ECM2: variants seen among roughly 807,000 people sequenced by gnomAD.
ECM2 encodes extracellular matrix protein 2, female organ and adipocyte specific.
In ECM2, 57 loss-of-function variants were observed where a neutral mutation model predicts 67.5. That is an observed-to-expected ratio of 0.84 (90% CI 0.68 to 1.05). The LOEUF (loss-of-function observed/expected upper bound fraction) is 1.05. ECM2 is among the 50% of genes least tolerant of loss of function. ECM2 has a pLI of 0.00. For synonymous variants in ECM2, 258 were observed against 294.5 expected, an observed-to-expected ratio of 0.88 and a Z score of 1.27; for missense variants, 741 against 822.8, an observed-to-expected ratio of 0.90 and a Z score of 1.22.
In ECM2 at chr9:92,500,847, TAGA is replaced by T. The variant is rs770551588; in HGVS notation, c.1808_1810del (p.Phe603del). On this transcript the variant is annotated inframe_deletion, in exon 9 of 10. Coordinates refer to ENST00000344604, the MANE Select transcript of ECM2 (RefSeq NM_001393.4). ...TTCTCTCAGAGAATGATATGCCCCA[TAGA>T]AGGAGACACGGTCCATGCCATCATC... 3 of 1,614,172 alleles carry T rather than the reference TAGA, an allele frequency of 1.9e-6. No individual in the cohort carries two copies. Among genetic ancestry groups the T allele is most frequent in the Non-Finnish European group, 2.5e-6 (3 of 1,180,034 alleles).
At position 92,496,149 on chromosome 9, in the gene ECM2, C is replaced by G; in HGVS notation, c.*166G>C. ...ATTAATAAAACTCCTAGAGACTATACCTTTTAGGTATATTTTGGTTGTTCA... is the reference window on the plus strand; with the variant it reads ...ATTAATAAAACTCCTAGAGACTATAGCTTTTAGGTATATTTTGGTTGTTCA... On this transcript the variant is annotated 3_prime_UTR_variant, in exon 10 of 10. Coordinates refer to ENST00000344604, the MANE Select transcript of ECM2 (RefSeq NM_001393.4). 1 of 1,316,800 alleles carries G rather than the reference C, an allele frequency of 7.6e-7. No homozygotes were observed. The allele number at this position is 1,316,800 out of a possible 1,614,324, so 81.6% of individuals were successfully genotyped here. A position where few individuals can be genotyped will look rare whatever the true frequency, so the allele number is the denominator to read the frequency against.
Position 92,505,603 on chromosome 9 carries a change from C to T in ECM2, c.1394G>A (p.Ser465Asn). The change falls in exon 7 of 10, where the codon AGC (serine) becomes AAC (asparagine). Residue 465 changes from serine to asparagine, a missense_variant. Ser to Asn is a conservative substitution (Grantham distance 46). Transcript: ENST00000344604. Reference sequence around the variant, plus strand: ...TTTTCCCAGACGCAAGTAGGCTAGGCTCTTCAAAGGTTTGAAAGCTAAAGG... The same window carrying T: ...TTTTCCCAGACGCAAGTAGGCTAGGTTCTTCAAAGGTTTGAAAGCTAAAGG... ...VNPLAFKPLK[S>N]LAYLRLGKNK... 1 of 1,611,486 alleles carries T rather than the reference C, an allele frequency of 6.2e-7. No individual in the cohort carries two copies. Among genetic ancestry groups the T allele is most frequent in the Non-Finnish European group, 8.5e-7 (1 of 1,179,228 alleles).
At chr9:92,530,897 A>T (rs1848709870) in intron 1 of ECM2, among the ~76,000 whole-genome samples, 1 of 152,026 alleles carries the variant, frequency 6.6e-6, no homozygotes, top group East Asian at 1.9e-4. Context: ...GCCCATGAGT[A>T]CCCAATGTTT....
chr9:92,528,559 A>G (rs1848554258), intron 1 of ECM2, among the ~76,000 whole-genome samples: 1 of 152,088 alleles, frequency 6.6e-6, no homozygotes. Context: ...AAAGCAAAAC[A>G]AAACAAAAAA....
chr9:92,522,580 A>C lies in ECM2; in HGVS notation c.287T>G (p.Leu96Ter), dbSNP rs201265258. ...FPGVESSYNVLPGKKGHCLVK... is the reference protein window; with the variant it reads ...FPGVESSYNV Reference sequence around the variant, plus strand: ...CTCTCATAGTGTTCTCTTACCTGGTAACACATTATAACTTGATTCTACTCC... The same window carrying C: ...CTCTCATAGTGTTCTCTTACCTGGTCACACATTATAACTTGATTCTACTCC... Residue 96 changes from leucine to a stop codon, truncating the protein, a stop_gained, in exon 2 of 10, where the codon TTA becomes TGA. Transcript: ENST00000344604. LOFTEE classifies it high-confidence loss of function. 1.2e-6 allele frequency: 2 copies of C among 1,608,862 alleles called. No individual in the cohort carries two copies. Among genetic ancestry groups the C allele is most frequent in the Admixed American group, 1.7e-5 (1 of 59,750 alleles).
chr9:92,516,167 G>A (rs1216851260), intron 3 of ECM2, among the ~76,000 whole-genome samples: 6 of 151,444 alleles, frequency 4.0e-5, no homozygotes, highest in African/African-American at 9.7e-5. Flanking sequence ...GGGTTCAAGC[G>A]ATTCTCCTGC....
At chr9:92,531,622 TTC>T (rs1422717544) in intron 1 of ECM2, among the ~76,000 whole-genome samples, 1 of 152,166 alleles carries the variant, frequency 6.6e-6, no homozygotes, top group African/African-American at 2.4e-5. Flanking sequence ...CATTAGTACC[TTC>T]CTCCTAGTTG....
the ECM2 span, among the ~76,000 whole-genome samples, chr9:92,544,101 T>C: frequency 6.6e-6 from 1 of 152,270 alleles, no homozygotes; most frequent in African/African-American, 2.4e-5. Flanking sequence ...TCAGCACTGT[T>C]GTCTTATTCC....
chr9:92,499,022 C>T (rs1008002251), intron 9 of ECM2, among the ~76,000 whole-genome samples: 3 of 152,148 alleles, frequency 2.0e-5, no homozygotes, highest in African/African-American at 7.2e-5. Context: ...CTTCTCAATA[C>T]TATTCCCCAA....
intron 2 of ECM2, 85 bp downstream of exon 2, chr9:92,522,490 C>A: frequency 4.9e-6 from 6 of 1,222,030 alleles, no homozygotes; most frequent in Admixed American, 3.3e-5. Context: ...AGATGTTCTC[C>A]CTCTCTCCCT....
Position 92,510,033 on chromosome 9 carries a change from A to G in ECM2, c.1172T>C (p.Leu391Pro). ...SSGIGPKAFK[L>P]LKKLMRLNMD... ...ATTCAAACGCATTAACTTCTTCAGA[A>G]GCTTAAAAAGCAAATCTCAAAGTTA... is the stretch of plus-strand genomic sequence containing the variant. The change falls in exon 6 of 10, where the codon CTT becomes CCT. Residue 391 changes from leucine (L) to proline (P), a missense_variant and splice_region_variant. By Grantham distance (98) the Leu-to-Pro change is moderately conservative. Transcript: ENST00000344604. 6.3e-7 allele frequency: 1 copy of G among 1,587,876 alleles called. No individual in the cohort carries two copies. Among genetic ancestry groups the G allele is most frequent in the Non-Finnish European group, 8.5e-7 (1 of 1,172,038 alleles).
At chr9:92,517,584 TCTGA>T (rs1177294310) in intron 3 of ECM2, 99 bp downstream of exon 3, 3 of 1,498,074 alleles carry the variant, frequency 2.0e-6, no homozygotes, top group Non-Finnish European at 2.7e-6. Context: ...AGTACTCAGA[TCTGA>T]CTAATGTATC....
At chr9:92,499,919 GTGA>G (rs1335079319) in intron 9 of ECM2, among the ~76,000 whole-genome samples, 1 of 152,180 alleles carries the variant, frequency 6.6e-6, no homozygotes, top group African/African-American at 2.4e-5. Context: ...CTAGGCAGGA[GTGA>G]TGATTCAGTA....
the ECM2 span, among the ~76,000 whole-genome samples, chr9:92,549,249 G>A: frequency 2.6e-4 from 39 of 152,156 alleles, no homozygotes; most frequent in Admixed American, 2.1e-3. Flanking sequence ...CAAGCAGGCC[G>A]ATTTGGACTT....
chr9:92,544,562 G>A, the ECM2 span, among the ~76,000 whole-genome samples: 65,166 of 151,110 alleles, frequency 0.43, 16,694 homozygotes, highest in African/African-American at 0.72. Context: ...TTTATCATGA[G>A]AGGGTGTTGA....
the ECM2 span, among the ~76,000 whole-genome samples, chr9:92,551,925 G>GTATATATA: frequency 6.0e-3 from 505 of 84,472 alleles, 12 homozygotes; most frequent in Middle Eastern, 0.042. Context: ...TGGTGTGTGT[G>GTATATATA]TATATATATA....
chr9:92,500,396 T>A (rs1445387193), intron 9 of ECM2, among the ~76,000 whole-genome samples: 1 of 152,236 alleles, frequency 6.6e-6, no homozygotes, highest in Non-Finnish European at 1.5e-5. Flanking sequence ...TTGGCCAGGC[T>A]GGCCTCAGAC....
chr9:92,549,895 A>G, the ECM2 span, among the ~76,000 whole-genome samples: 2 of 152,186 alleles, frequency 1.3e-5, no homozygotes, highest in Admixed American at 1.3e-4. Flanking sequence ...CAATGTGGAC[A>G]AAGTACAGTA....
the ECM2 span, among the ~76,000 whole-genome samples, chr9:92,545,413 C>T: frequency 6.6e-6 from 1 of 152,152 alleles, no homozygotes; most frequent in Admixed American, 6.5e-5. Flanking sequence ...GCGGAGGGTG[C>T]GTCGGGTACC....
Sources: gnomAD v4.1 joint callset for allele counts (sites outside exome capture counted in the v4.1 genomes callset) on GRCh38, gnomAD v4.1.1 for gene constraint, MANE v1.5 for transcripts, NCBI Gene and HGNC (gene_info 2026-07-23, HGNC 2026-07-21) for gene names.